Variants in TAFA1 observed in about 807,000 individuals in gnomAD.
The protein encoded by TAFA1 is chemokine-like protein TAFA-1.
TAFA1 carries 4 observed loss-of-function variants against 18.5 expected under a neutral mutation model. The observed-to-expected ratio is 0.22, with a 90% CI of 0.11 to 0.49. The LOEUF (loss-of-function observed/expected upper bound fraction) is 0.49, where lower values mean the gene tolerates loss of function less well. Ranked by LOEUF, TAFA1 falls within the 20% of genes least tolerant of loss-of-function variation. TAFA1 has a pLI of 0.98. For missense variants in TAFA1, 147 were observed against 169.0 expected, an observed-to-expected ratio of 0.87 and a Z score of 0.72; for synonymous variants, 56 against 55.2, an observed-to-expected ratio of 1.01 and a Z score of -0.06.
At chr3:68,351,060 T>G (rs1339015449) in intron 2 of TAFA1, among the ~76,000 whole-genome samples, 1 of 152,122 alleles carries the variant, frequency 6.6e-6, no homozygotes, top group African/African-American at 2.4e-5. Context: ...ATTGGCATCA[T>G]ACAGGGAGCT....
At chr3:68,456,359 A>AT (rs1366067509) in intron 3 of TAFA1, among the ~76,000 whole-genome samples, 3 of 151,986 alleles carry the variant, frequency 2.0e-5, no homozygotes, top group Non-Finnish European at 2.9e-5. Context: ...CCTTTGTGGC[A>AT]TTTTTTCCCC....
chr3:68,004,175 A>G (rs1704318189), upstream of TAFA1: 1 of 152,228 alleles, frequency 6.6e-6, no homozygotes, highest in Admixed American at 6.5e-5. Flanking sequence ...ATTACAATTC[A>G]CTGTAGCTGT....
At chr3:68,540,272 C>G (rs1367858380) in intron 4 of TAFA1, among the ~76,000 whole-genome samples, 1 of 152,050 alleles carries the variant, frequency 6.6e-6, no homozygotes, top group Non-Finnish European at 1.5e-5. Flanking sequence ...CAGGAGGAAC[C>G]TCTGAACCAC....
chr3:68,111,821 C>T (rs1207669593), intron 2 of TAFA1, among the ~76,000 whole-genome samples: 4 of 151,260 alleles, frequency 2.6e-5, no homozygotes, highest in African/African-American at 9.7e-5. Flanking sequence ...TAGGGCAGGA[C>T]AAATTCTTGG....
At chr3:68,209,638 A>G (rs2066571428) in intron 2 of TAFA1, among the ~76,000 whole-genome samples, 1 of 152,070 alleles carries the variant, frequency 6.6e-6, no homozygotes, top group African/African-American at 2.4e-5. Context: ...GTGTTTAGAC[A>G]TTGACTCAAA....
intron 3 of TAFA1, among the ~76,000 whole-genome samples, chr3:68,482,871 A>G (rs2106660785): frequency 6.6e-6 from 1 of 152,328 alleles, no homozygotes; most frequent in South Asian, 2.1e-4. Flanking sequence ...GAGAGAAAGA[A>G]ACTAGATTCT....
chr3:68,025,862 A>AT (rs1704804035), intron 2 of TAFA1, among the ~76,000 whole-genome samples: 6 of 152,044 alleles, frequency 3.9e-5, no homozygotes, highest in Admixed American at 3.3e-4. Flanking sequence ...CTCCTGGTCT[A>AT]TTTTTGCAGT....
At chr3:68,531,204 T>C (rs780467150) in intron 3 of TAFA1, among the ~76,000 whole-genome samples, 2 of 152,152 alleles carry the variant, frequency 1.3e-5, no homozygotes, top group Non-Finnish European at 2.9e-5. Flanking sequence ...TATAGGGTTG[T>C]TAACAGCAGC....
intron 3 of TAFA1, among the ~76,000 whole-genome samples, chr3:68,441,426 T>C (rs1345596769): frequency 1.3e-5 from 2 of 152,146 alleles, no homozygotes; most frequent in Admixed American, 6.5e-5. Flanking sequence ...CTTCTGCAGA[T>C]TACTACTCTC....
chr3:68,248,725 TGGGCGGGGGGCGGG>T (rs1239027714), intron 2 of TAFA1, among the ~76,000 whole-genome samples: 10 of 1,548 alleles, frequency 6.5e-3, no homozygotes, highest in East Asian at 0.021. Context: ...GGGTGGGTGG[TGGGCGGGGGGCGGG>T]GGGCGGGGGC....
intron 2 of TAFA1, among the ~76,000 whole-genome samples, chr3:68,068,841 T>C (rs2064716283): frequency 6.6e-6 from 1 of 152,208 alleles, no homozygotes; most frequent in South Asian, 2.1e-4. Context: ...GCTAACATTT[T>C]GGAGCACGTA....
rs150581457 is a variant in TAFA1, at chr3:68,213,908, G to A, written c.119-203372G>A. Among the ~76,000 whole-genome samples, 60 of 152,118 alleles carry A rather than the reference G, an allele frequency of 3.9e-4. No homozygotes were observed. The South Asian group carries it at 4.8e-3, about 12-fold the overall frequency. Reference sequence around the variant, plus strand: ...CCTTGACTTTCATAAAAAGTTATTTGATTTTTGCCTGCCTTAACCTCAGAT... The same window carrying A: ...CCTTGACTTTCATAAAAAGTTATTTAATTTTTGCCTGCCTTAACCTCAGAT... On this transcript the variant is annotated intron_variant, in intron 2 of 4. Coordinates refer to ENST00000478136, the MANE Select transcript of TAFA1 (RefSeq NM_213609.4).
At position 68,434,725 on chromosome 3, in the gene TAFA1, CT is replaced by C. The variant is rs1344810125; in HGVS notation, c.259+17306del. 4.6e-5 allele frequency among the ~76,000 whole-genome samples: 7 copies of C among 152,130 alleles called. No individual in the cohort carries two copies. In the East Asian group the frequency reaches 1.4e-3, roughly 29 times the overall value. ...AAACACTACAAATGGCTTTTCCAGC[CT>C]GCTGACTGACTGACAGAATTTGGTA... On this transcript the variant is annotated intron_variant, in intron 3 of 4. Coordinates refer to ENST00000478136, the MANE Select transcript of TAFA1 (RefSeq NM_213609.4).
rs142394324 is a variant in TAFA1, at chr3:68,430,747, C to G, written c.259+13327C>G. 5.0e-3 allele frequency among the ~76,000 whole-genome samples: 758 copies of G among 152,052 alleles called. 6 individuals carry two copies. Among genetic ancestry groups the G allele is most frequent in the Middle Eastern group, 0.01 (3 of 294 alleles). On this transcript the variant is annotated intron_variant, in intron 3 of 4. Transcript: ENST00000478136. The stretch of plus-strand genomic sequence containing the variant: ...GTTACCCACACAGGGTTGCTGTCAC[C>G]TGAATGTCTCATTCACTCTCTACTC...
In TAFA1 at chr3:68,451,586, C is replaced by T. The variant is rs532699669; in HGVS notation, c.259+34166C>T. Among the ~76,000 whole-genome samples the T allele has an allele frequency of 1.6e-4, 25 of 152,162 alleles. No individual in the cohort carries two copies. In the South Asian group the frequency reaches 4.4e-3, roughly 26 times the overall value. On this transcript the variant is annotated intron_variant, in intron 3 of 4. Transcript: ENST00000478136. Reference sequence around the variant, plus strand: ...CTGTCATCTTCCCCTTCCATCTGTACATTCAAAAATATTCTGAGCACAAAA... The same window carrying T: ...CTGTCATCTTCCCCTTCCATCTGTATATTCAAAAATATTCTGAGCACAAAA...
At chr3:68,344,428 C>G (rs1346735150) in intron 2 of TAFA1, among the ~76,000 whole-genome samples, 1 of 152,118 alleles carries the variant, frequency 6.6e-6, no homozygotes, top group Non-Finnish European at 1.5e-5. Context: ...CTACATGGCT[C>G]TAAATGCTAT....
At chr3:68,057,721 A>G (rs540852461) in intron 2 of TAFA1, among the ~76,000 whole-genome samples, 1 of 152,282 alleles carries the variant, frequency 6.6e-6, no homozygotes, top group Admixed American at 6.5e-5. Context: ...GATTCAATGT[A>G]ATTACAAGAA....
intron 3 of TAFA1, among the ~76,000 whole-genome samples, chr3:68,453,149 T>C (rs1032066033): frequency 6.6e-6 from 1 of 152,140 alleles, no homozygotes; most frequent in Non-Finnish European, 1.5e-5. Flanking sequence ...CGACTCCAGA[T>C]TTTTGAATTC....
intron 2 of TAFA1, among the ~76,000 whole-genome samples, chr3:68,124,529 T>G (rs1251440831): frequency 1.3e-5 from 2 of 152,202 alleles, no homozygotes; most frequent in Non-Finnish European, 2.9e-5. Flanking sequence ...AACATCTAAG[T>G]TAATAGTTTG....
Sources: allele counts gnomAD v4.1 joint callset (sites outside exome capture counted in the v4.1 genomes callset), GRCh38; gene constraint gnomAD v4.1.1; transcripts MANE v1.5; gene names NCBI Gene and HGNC (gene_info 2026-07-23, HGNC 2026-07-21).